Variants in HEATR6 observed in about 807,000 individuals in gnomAD.
HEATR6 encodes the protein HEAT repeat-containing protein 6.
In HEATR6, 106 loss-of-function variants were observed where a neutral mutation model predicts 132.8. The ratio of observed to expected loss-of-function variants is 0.80; its 90% CI spans 0.68 to 0.94. The LOEUF is 0.94. HEATR6 is among the 40% of genes least tolerant of loss of function. The pLI, the probability that HEATR6 is intolerant of heterozygous loss-of-function variation, is 0.00. For synonymous variants in HEATR6, 529 were observed against 537.8 expected (o/e 0.98, Z 0.23); for missense variants, 1,339 against 1,425.1 (o/e 0.94, Z 0.97).
chr17:60,055,627 TGGAGCATCAGA>T (rs1289359957), intron 13 of HEATR6, 26 bp from the exon 14 acceptor site: 2 of 1,553,338 alleles, frequency 1.3e-6, no homozygotes, highest in Non-Finnish European at 1.8e-6. Flanking sequence ...ATTACCGAAG[TGGAGCATCAGA>T]ACTAATGAAT....
chr17:60,056,907 C>G (rs1216129048), intron 12 of HEATR6, 141 bp downstream of exon 12: 1 of 598,440 alleles, frequency 1.7e-6, no homozygotes, highest in Non-Finnish European at 2.9e-6. Flanking sequence ...AACAACAAAA[C>G]AATACACCAC....
chr17:60,060,102 A>G lies in HEATR6; in HGVS notation c.1417-6T>C. 1 of 1,610,102 alleles carries G rather than the reference A, an allele frequency of 6.2e-7. No individual in the cohort carries two copies. Among genetic ancestry groups the G allele is most frequent in the Non-Finnish European group, 8.5e-7 (1 of 1,176,660 alleles). On this transcript the variant is annotated splice_polypyrimidine_tract_variant and splice_region_variant and intron_variant, in intron 9 of 19. Transcript: ENST00000184956. ...TGCAGAGCACAGGCACGTGTCTGAA[A>G]TTTCGGGATGATTCACATTGATTAG...
chr17:60,064,513 G>A (rs557542350), intron 9 of HEATR6: 3 of 151,924 alleles, frequency 2.0e-5, no homozygotes, highest in South Asian at 2.1e-4. Flanking sequence ...TCTTAAGTAC[G>A]ATCATTTCAC....
At chr17:60,050,495 C>T (rs1278636841) in intron 15 of HEATR6, among the ~76,000 whole-genome samples, 1 of 152,122 alleles carries the variant, frequency 6.6e-6, no homozygotes, top group African/African-American at 2.4e-5. Flanking sequence ...AATACCAAGT[C>T]TTAGAGAGGT....
At chr17:60,074,388 A>C (rs1225663927) in intron 2 of HEATR6, among the ~76,000 whole-genome samples, 1 of 152,212 alleles carries the variant, frequency 6.6e-6, no homozygotes, top group Non-Finnish European at 1.5e-5. Context: ...CAATTTATGG[A>C]CAATTGAGAC....
chr17:60,067,840 A>C, intron 7 of HEATR6, 108 bp from the exon 8 acceptor site: 1 of 872,116 alleles, frequency 1.1e-6, no homozygotes, highest in Non-Finnish European at 1.7e-6. Flanking sequence ...CCCAACATGT[A>C]GTTTAAAGAA....
At chr17:60,076,000 T>C in intron 2 of HEATR6, 130 bp downstream of exon 2, 1 of 553,032 alleles carries the variant, frequency 1.8e-6, no homozygotes, top group Non-Finnish European at 3.2e-6. Flanking sequence ...GCATTCTTAT[T>C]TAGGCATTTG....
rs151133736 is a variant in HEATR6, at chr17:60,047,343, C to T, written c.2735G>A (p.Arg912Gln). Residue 912 changes from arginine to glutamine, a missense_variant, in exon 18 of 20, where the codon CGA becomes CAA. By Grantham distance (43) the Arg-to-Gln change is conservative. Coordinates refer to ENST00000184956, the MANE Select transcript of HEATR6 (RefSeq NM_022070.5). ...FSGLLLLKML[R>Q]SAIEASKDKD... ...ATCCTTGGATGCTTCTATAGCTGAT[C>T]GTAACATTTTCAAGAGCAGGAGACC... 14 of 1,612,990 alleles carry T rather than the reference C, an allele frequency of 8.7e-6. No individual in the cohort carries two copies. In the African/African-American group the frequency reaches 1.1e-4, roughly 12 times the overall value.
In HEATR6 at chr17:60,056,245, G is replaced by C. The variant is rs748242822; in HGVS notation, c.2080-8C>G. ...TGCCAGAAGAGTCAATACCTGCAAA[G>C]AGAGCATGGAATTAACCCTCTAAGA... On this transcript the variant is annotated splice_region_variant and splice_polypyrimidine_tract_variant and intron_variant, in intron 12 of 19. Transcript: ENST00000184956. 1.9e-6 allele frequency: 3 copies of C among 1,612,550 alleles called. No individual in the cohort carries two copies. The highest frequency in any genetic ancestry group is 2.5e-6 in the Non-Finnish European group (3 of 1,179,388).
intron 4 of HEATR6, 66 bp from the exon 5 acceptor site, chr17:60,072,395 A>G (rs919415899): frequency 1.3e-5 from 11 of 821,720 alleles, no homozygotes; most frequent in Non-Finnish European, 2.2e-5. Context: ...CAAAAGACTA[A>G]TTAAAAATAG....
At chr17:60,073,452 A>G (rs2083279947) in intron 3 of HEATR6, among the ~76,000 whole-genome samples, 173 bp from the exon 4 acceptor site, 1 of 152,202 alleles carries the variant, frequency 6.6e-6, no homozygotes, top group Non-Finnish European at 1.5e-5. Flanking sequence ...AGCATCAATA[A>G]TGATCATTAC....
At chr17:60,074,370 C>T (rs775465976) in intron 2 of HEATR6, among the ~76,000 whole-genome samples, 2 of 152,124 alleles carry the variant, frequency 1.3e-5, no homozygotes, top group East Asian at 3.8e-4. Context: ...CCAGGCTAAT[C>T]CAAGTGTCAA....
At chr17:60,072,506 A>G (rs1379303072) in intron 4 of HEATR6, among the ~76,000 whole-genome samples, 177 bp from the exon 5 acceptor site, 3 of 152,252 alleles carry the variant, frequency 2.0e-5, no homozygotes, top group African/African-American at 7.2e-5. Context: ...GGACAGGCAC[A>G]GGGCTAGAAT....
Position 60,078,731 on chromosome 17 carries a change from CGGA to C in HEATR6, c.181_183del (p.Ser61del). On this transcript the variant is annotated inframe_deletion, in exon 1 of 20. Coordinates refer to ENST00000184956, the MANE Select transcript of HEATR6 (RefSeq NM_022070.5). ...ACGCCACTGCCCTCGCTGTAGTTCT[CGGA>C]GATGAGCTGATCGAAGAGCAGGTGG... 1 of 1,552,836 alleles carries C rather than the reference CGGA, an allele frequency of 6.4e-7. No individual in the cohort carries two copies. Among genetic ancestry groups the C allele is most frequent in the Non-Finnish European group, 8.7e-7 (1 of 1,149,910 alleles).
chr17:60,045,980 G>T, intron 19 of HEATR6, 45 bp downstream of exon 19: 2 of 1,348,588 alleles, frequency 1.5e-6, no homozygotes, highest in Non-Finnish European at 1.1e-6. Flanking sequence ...ATTGGTGTGT[G>T]TCCCAAGAGG....
chr17:60,044,536 C>T (rs1906298999), intron 19 of HEATR6, among the ~76,000 whole-genome samples: 1 of 152,256 alleles, frequency 6.6e-6, no homozygotes. Context: ...GTGCAAGCCA[C>T]ACACTGCATG....
chr17:60,048,326 CAG>C lies in HEATR6; in HGVS notation c.2608_2609del (p.Leu870GlufsTer51). On this transcript the variant is annotated frameshift_variant, in exon 17 of 20. Coordinates refer to ENST00000184956, the MANE Select transcript of HEATR6 (RefSeq NM_022070.5). LOFTEE classifies it high-confidence loss of function. ...ACCAGGCTGCTTTGGCTCGAACATT[CAG>C]AGACTTGTCTTCAAGTGACATCAAT... Reference protein sequence around the residue: ...AILMSLEDKSLNVRAKAAWSL... With the variant: ...AILMSLEDKSXNVRAKAAWSL... 7 of 1,613,632 alleles carry C rather than the reference CAG, an allele frequency of 4.3e-6. No individual in the cohort carries two copies. The highest frequency in any genetic ancestry group is 5.9e-6 in the Non-Finnish European group (7 of 1,179,664).
intron 1 of HEATR6, 106 bp from the exon 2 acceptor site, chr17:60,076,343 G>C (rs2145204332): frequency 3.2e-6 from 2 of 624,368 alleles, no homozygotes; most frequent in Non-Finnish European, 5.6e-6. Flanking sequence ...ATTCAAAATG[G>C]GGAAAGAAAA....
chr17:60,075,344 G>T (rs2083291014), intron 2 of HEATR6, among the ~76,000 whole-genome samples: 2 of 152,194 alleles, frequency 1.3e-5, no homozygotes, highest in African/African-American at 4.8e-5. Flanking sequence ...GGGACATGGA[G>T]TGATTCCTTT....
Sources: gnomAD v4.1 joint callset for allele counts (sites outside exome capture counted in the v4.1 genomes callset) on GRCh38, gnomAD v4.1.1 for gene constraint, MANE v1.5 for transcripts, NCBI Gene and HGNC (gene_info 2026-07-23, HGNC 2026-07-21) for gene names.